POU6F2: variants seen among roughly 807,000 people sequenced by gnomAD.
POU6F2 encodes the protein POU class 6 homeobox 2.
A neutral mutation model predicts 71.3 loss-of-function variants in POU6F2; 31 were observed. The ratio of observed to expected loss-of-function variants is 0.43; its 90% CI spans 0.33 to 0.59. POU6F2 has a LOEUF of 0.59. Ranked by LOEUF, POU6F2 falls within the 20% of genes least tolerant of loss-of-function variation. The pLI is 0.04. For synonymous variants in POU6F2, 347 were observed against 355.7 expected, an observed-to-expected ratio of 0.98 and a Z score of 0.27; for missense variants, 783 against 856.8, an observed-to-expected ratio of 0.91 and a Z score of 1.07.
At chr7:39,457,910 TA>T (rs998718917) in intron 8 of POU6F2, among the ~76,000 whole-genome samples, 10 of 152,160 alleles carry the variant, frequency 6.6e-5, no homozygotes, top group African/African-American at 2.4e-4. Flanking sequence ...CTCTCTGCTC[TA>T]AACCAGAGTT....
chr7:39,304,114 A>G (rs886867163), intron 4 of POU6F2, among the ~76,000 whole-genome samples: 10 of 152,208 alleles, frequency 6.6e-5, no homozygotes, highest in South Asian at 2.1e-4. Context: ...ATGATTTTAT[A>G]TGTAAAAATG....
intron 4 of POU6F2, among the ~76,000 whole-genome samples, chr7:39,217,376 C>T (rs1794266542): frequency 6.6e-6 from 1 of 152,124 alleles, no homozygotes; most frequent in Non-Finnish European, 1.5e-5. Flanking sequence ...CTTCTGGTAC[C>T]ATTCTTGAGG....
At chr7:39,017,198 C>A (rs1191672638) in intron 1 of POU6F2, among the ~76,000 whole-genome samples, 1 of 152,110 alleles carries the variant, frequency 6.6e-6, no homozygotes, top group African/African-American at 2.4e-5. Flanking sequence ...CATATTATGT[C>A]AATGATTTTA....
At chr7:39,183,793 C>T (rs1793480451) in intron 2 of POU6F2, among the ~76,000 whole-genome samples, 1 of 152,162 alleles carries the variant, frequency 6.6e-6, no homozygotes, top group Non-Finnish European at 1.5e-5. Flanking sequence ...TCTATAGCTT[C>T]CATTGACAAA....
chr7:39,340,403 G>A (rs1025488379), intron 5 of POU6F2, among the ~76,000 whole-genome samples: 3 of 152,170 alleles, frequency 2.0e-5, no homozygotes, highest in Admixed American at 2.0e-4. Flanking sequence ...TGCATCTACT[G>A]TCCATGAGGC....
intron 1 of POU6F2, among the ~76,000 whole-genome samples, chr7:39,076,907 G>A (rs910817603): frequency 6.6e-6 from 1 of 151,874 alleles, no homozygotes; most frequent in Non-Finnish European, 1.5e-5. Context: ...TTAATTAACA[G>A]TCTCTGCTAG....
At chr7:38,991,852 CT>C (rs1444256442) in intron 1 of POU6F2, among the ~76,000 whole-genome samples, 8 of 150,084 alleles carry the variant, frequency 5.3e-5, no homozygotes, top group African/African-American at 1.8e-4. Flanking sequence ...CTCTCTCTCT[CT>C]CTCTCCCTCT....
At chr7:39,025,748 T>C (rs1402851958) in intron 1 of POU6F2, among the ~76,000 whole-genome samples, 8 of 149,550 alleles carry the variant, frequency 5.3e-5, no homozygotes, top group Non-Finnish European at 1.0e-4. Context: ...AATTGACAAA[T>C]CGGATCTAAT....
intron 5 of POU6F2, among the ~76,000 whole-genome samples, chr7:39,362,622 A>G (rs1452751650): frequency 6.6e-6 from 1 of 152,214 alleles, no homozygotes; most frequent in Non-Finnish European, 1.5e-5. Context: ...ACAGATGCCA[A>G]GCACTATTCT....
chr7:39,435,458 C>T (rs28855744), intron 7 of POU6F2, among the ~76,000 whole-genome samples: 9 of 152,142 alleles, frequency 5.9e-5, no homozygotes, highest in East Asian at 1.9e-4. Context: ...TCATATCCTT[C>T]GCCCACTTTT....
intron 2 of POU6F2, among the ~76,000 whole-genome samples, chr7:39,099,854 G>A (rs1791531926): frequency 6.6e-6 from 1 of 152,172 alleles, no homozygotes; most frequent in African/African-American, 2.4e-5. Flanking sequence ...TCTGATGGGG[G>A]TTCTCTTGGG....
At chr7:39,423,478 T>TGAGA (rs1305591402) in intron 6 of POU6F2, among the ~76,000 whole-genome samples, 1 of 79,478 alleles carries the variant, frequency 1.3e-5, no homozygotes. Context: ...ATTTGCTGAG[T>TGAGA]GAGTGAGTGA....
chr7:39,056,443 G>T (rs536657457), intron 1 of POU6F2, among the ~76,000 whole-genome samples: 22 of 151,918 alleles, frequency 1.4e-4, no homozygotes, highest in African/African-American at 3.9e-4. Context: ...GCTTTAAATT[G>T]CCTTATGGCA....
intron 2 of POU6F2, among the ~76,000 whole-genome samples, chr7:39,169,535 A>G (rs530155844): frequency 1.3e-5 from 2 of 152,226 alleles, no homozygotes; most frequent in Non-Finnish European, 2.9e-5. Context: ...AAGTCATACA[A>G]TGTTTAAAAC....
intron 2 of POU6F2, among the ~76,000 whole-genome samples, chr7:39,182,002 T>TA (rs1207125717): frequency 6.6e-6 from 1 of 152,162 alleles, no homozygotes; most frequent in Non-Finnish European, 1.5e-5. Flanking sequence ...CTCTACTCCT[T>TA]AAAAAAGAAA....
intron 4 of POU6F2, among the ~76,000 whole-genome samples, chr7:39,277,655 C>T (rs1426182411): frequency 1.4e-5 from 2 of 138,142 alleles, no homozygotes; most frequent in Non-Finnish European, 3.2e-5. Flanking sequence ...AAAGGGAAAA[C>T]ATTGGTGCTT....
At chr7:39,108,332 A>T (rs922455440) in intron 2 of POU6F2, among the ~76,000 whole-genome samples, 1 of 149,762 alleles carries the variant, frequency 6.7e-6, no homozygotes, top group Non-Finnish European at 1.5e-5. Flanking sequence ...CCCAATTTCT[A>T]TCCTAGCCTG....
intron 1 of POU6F2, among the ~76,000 whole-genome samples, chr7:38,988,515 C>T (rs1172322160): frequency 6.6e-6 from 1 of 152,182 alleles, no homozygotes; most frequent in African/African-American, 2.4e-5. Context: ...TTCAGTGGGG[C>T]TGTTGTAAAC....
intron 4 of POU6F2, among the ~76,000 whole-genome samples, chr7:39,252,634 A>T (rs570674191): frequency 7.4e-4 from 113 of 152,234 alleles, no homozygotes; most frequent in South Asian, 1.7e-3. Context: ...GAGGTTGAAC[A>T]TTTGTGTTTG....
Sources: allele counts gnomAD v4.1 joint callset (sites outside exome capture counted in the v4.1 genomes callset), GRCh38; gene constraint gnomAD v4.1.1; transcripts MANE v1.5; gene names NCBI Gene and HGNC (gene_info 2026-07-23, HGNC 2026-07-21).